The following ANKIB1 variants were observed in gnomAD, a reference collection of about 807,000 sequenced individuals.
ANKIB1 encodes ankyrin repeat and IBR domain-containing protein 1.
In ANKIB1, 43 loss-of-function variants were observed where a neutral mutation model predicts 122.1. That is an observed-to-expected ratio of 0.35 (90% CI 0.28 to 0.45). ANKIB1 has a LOEUF of 0.45. Ranked by LOEUF, ANKIB1 falls within the 20% of genes least tolerant of loss-of-function variation. The probability of loss-of-function intolerance (pLI) is 1.00; values close to 1 mark genes in which losing one functional copy is unlikely to be tolerated. For synonymous variants in ANKIB1, 390 were observed against 442.0 expected, an observed-to-expected ratio of 0.88 and a Z score of 1.48; for missense variants, 992 against 1,329.5, an observed-to-expected ratio of 0.75 and a Z score of 3.95.
intron 2 of ANKIB1, among the ~76,000 whole-genome samples, chr7:92,298,814 A>G (rs1055278813): frequency 2.0e-5 from 3 of 151,260 alleles, no homozygotes; most frequent in Non-Finnish European, 2.9e-5. Context: ...AAAATCCTCG[A>G]TTAAAGCAGT....
chr7:92,304,981 T>A (rs1158640148), intron 2 of ANKIB1, among the ~76,000 whole-genome samples: 1 of 152,216 alleles, frequency 6.6e-6, no homozygotes. Flanking sequence ...TCTATTCTTA[T>A]ATTTCCACTT....
At chr7:92,351,317 T>C (rs1208194431) in intron 8 of ANKIB1, among the ~76,000 whole-genome samples, 3 of 152,206 alleles carry the variant, frequency 2.0e-5, no homozygotes, top group African/African-American at 4.8e-5. Flanking sequence ...AAAGTACTGG[T>C]AATTTACAAA....
chr7:92,276,423 A>G (rs1176651860), intron 1 of ANKIB1, among the ~76,000 whole-genome samples: 1 of 152,240 alleles, frequency 6.6e-6, no homozygotes, highest in Non-Finnish European at 1.5e-5. Context: ...GGAAACCTTA[A>G]AAGGTCGAAA....
chr7:92,314,513 C>T (rs1802753416), intron 3 of ANKIB1, among the ~76,000 whole-genome samples: 1 of 152,158 alleles, frequency 6.6e-6, no homozygotes, highest in Admixed American at 6.5e-5. Flanking sequence ...ATCTCAGCTC[C>T]ATCCAAGACC....
Position 92,264,789 on chromosome 7 carries a change from C to A in ANKIB1, c.-91+18270C>A, listed in dbSNP as rs912779644. The stretch of plus-strand genomic sequence containing the variant: ...GCTATTGTTACACCTGTGAATAAAA[C>A]AATTATGGTCTCTGCCCTTAGCAAA... On this transcript the variant is annotated intron_variant, in intron 1 of 19. Coordinates refer to ENST00000265742, the MANE Select transcript of ANKIB1 (RefSeq NM_019004.2). Among the ~76,000 whole-genome samples the A allele has an allele frequency of 3.9e-5, 6 of 152,212 alleles. No individual in the cohort carries two copies. In the Middle Eastern group the frequency reaches 0.01, roughly 259 times the overall value.
intron 10 of ANKIB1, among the ~76,000 whole-genome samples, chr7:92,362,583 C>A (rs1363588730): frequency 6.6e-6 from 1 of 152,056 alleles, no homozygotes; most frequent in Non-Finnish European, 1.5e-5. Context: ...GTGAGCCAAC[C>A]AATTGTTCTG....
intron 11 of ANKIB1, among the ~76,000 whole-genome samples, chr7:92,381,324 A>G (rs922116732): frequency 6.6e-6 from 1 of 152,220 alleles, no homozygotes; most frequent in Non-Finnish European, 1.5e-5. Flanking sequence ...TCTTCAGGAT[A>G]TTATCCAGGA....
chr7:92,301,556 A>T (rs1237725412), intron 2 of ANKIB1, among the ~76,000 whole-genome samples: 1 of 152,036 alleles, frequency 6.6e-6, no homozygotes, highest in Non-Finnish European at 1.5e-5. Flanking sequence ...GTGCTATTGC[A>T]TTTTATGAGT....
At chr7:92,260,133 G>A (rs529473593) in intron 1 of ANKIB1, among the ~76,000 whole-genome samples, 28 of 151,878 alleles carry the variant, frequency 1.8e-4, no homozygotes, top group South Asian at 1.3e-3. Context: ...CCCTTTTACC[G>A]AGAATAAAAA....
At chr7:92,311,887 G>T (rs976453070) in intron 3 of ANKIB1, among the ~76,000 whole-genome samples, 13 of 151,986 alleles carry the variant, frequency 8.6e-5, no homozygotes, top group Non-Finnish European at 1.6e-4. Flanking sequence ...CTATATTGTT[G>T]CCTGGTTGAC....
chr7:92,265,405 A>G (rs1004978297), intron 1 of ANKIB1, among the ~76,000 whole-genome samples: 2 of 151,238 alleles, frequency 1.3e-5, no homozygotes, highest in African/African-American at 4.9e-5. Flanking sequence ...GTTAAAAGAG[A>G]AAAAAAAAGA....
chr7:92,302,408 G>A (rs916904077), intron 2 of ANKIB1, among the ~76,000 whole-genome samples: 8 of 152,116 alleles, frequency 5.3e-5, no homozygotes, highest in African/African-American at 1.9e-4. Flanking sequence ...TTCTTAGGTA[G>A]AATAATATGG....
intron 6 of ANKIB1, 31 bp downstream of exon 6, chr7:92,343,263 A>C: frequency 6.4e-7 from 1 of 1,567,062 alleles, no homozygotes; most frequent in Non-Finnish European, 8.8e-7. Context: ...TACTTCTCAT[A>C]GCTTTGTTTA....
At chr7:92,378,807 A>G (rs1804444682) in intron 11 of ANKIB1, among the ~76,000 whole-genome samples, 1 of 152,236 alleles carries the variant, frequency 6.6e-6, no homozygotes, top group Non-Finnish European at 1.5e-5. Context: ...AAATCGACTG[A>G]AAAACTGCTA....
At chr7:92,282,181 A>G (rs1008418954) in intron 1 of ANKIB1, among the ~76,000 whole-genome samples, 21 of 151,758 alleles carry the variant, frequency 1.4e-4, no homozygotes, top group African/African-American at 4.8e-4. Context: ...TTTTTGAGAC[A>G]GGGTCTCTGT....
chr7:92,355,991 A>C (rs1397678140), intron 9 of ANKIB1, among the ~76,000 whole-genome samples: 1 of 152,134 alleles, frequency 6.6e-6, no homozygotes, highest in Non-Finnish European at 1.5e-5. Context: ...TTTGAATCAT[A>C]GTGATGTACA....
intron 10 of ANKIB1, among the ~76,000 whole-genome samples, 189 bp from the exon 11 acceptor site, chr7:92,371,288 T>C (rs1021369587): frequency 7.2e-5 from 11 of 152,120 alleles, no homozygotes; most frequent in Admixed American, 3.3e-4. Flanking sequence ...TCTTTTGGAA[T>C]AGAGTTCCTT....
At chr7:92,333,218 T>C (rs1803212030) in intron 5 of ANKIB1, among the ~76,000 whole-genome samples, 1 of 152,210 alleles carries the variant, frequency 6.6e-6, no homozygotes. Context: ...TCCCGATTTT[T>C]CATTGACTGC....
At chr7:92,314,905 G>C (rs917638290) in intron 3 of ANKIB1, among the ~76,000 whole-genome samples, 1 of 152,118 alleles carries the variant, frequency 6.6e-6, no homozygotes, top group African/African-American at 2.4e-5. Context: ...GTCTGGGTTT[G>C]TGTGGTGGTA....
Sources: gnomAD v4.1 joint callset for allele counts (sites outside exome capture counted in the v4.1 genomes callset) on GRCh38, gnomAD v4.1.1 for gene constraint, MANE v1.5 for transcripts, NCBI Gene and HGNC (gene_info 2026-07-23, HGNC 2026-07-21) for gene names.